DAB1: variants seen among roughly 807,000 people sequenced by gnomAD.
DAB1 encodes the protein DAB adaptor protein 1, also known as disabled homolog 1.
Under a neutral mutation model 64.6 loss-of-function variants are expected in DAB1, and 15 were observed. The ratio of observed to expected loss-of-function variants is 0.23; its 90% CI spans 0.16 to 0.36. DAB1 has a LOEUF of 0.36. Ranked by LOEUF, DAB1 falls within the 10% of genes least tolerant of loss-of-function variation. The probability of loss-of-function intolerance (pLI) is 1.00; values close to 1 mark genes in which losing one functional copy is unlikely to be tolerated. For missense variants in DAB1, 596 were observed against 706.7 expected (o/e 0.84, Z 1.78); for synonymous variants, 235 against 251.9 (o/e 0.93, Z 0.64).
chr1:57,312,429 T>A (rs1339084938), intron 1 of DAB1, among the ~76,000 whole-genome samples: 1 of 151,914 alleles, frequency 6.6e-6, no homozygotes, highest in Non-Finnish European at 1.5e-5. Context: ...ATAACCTAAG[T>A]CTTTCATTTT....
At chr1:57,166,540 T>C (rs564888844) in intron 2 of DAB1, among the ~76,000 whole-genome samples, 157 of 152,252 alleles carry the variant, frequency 1.0e-3, no homozygotes, top group African/African-American at 3.7e-3. Context: ...AACTAGCATA[T>C]ATATTATACT....
At chr1:57,571,288 A>G (rs1645191169) in intron 7 of DAB1, among the ~76,000 whole-genome samples, 1 of 152,166 alleles carries the variant, frequency 6.6e-6, no homozygotes, top group South Asian at 2.1e-4. Context: ...GACATTTTAT[A>G]GTAATTGAAG....
chr1:57,263,571 G>A (rs1346623603), intron 2 of DAB1, among the ~76,000 whole-genome samples: 3 of 152,204 alleles, frequency 2.0e-5, no homozygotes, highest in Admixed American at 6.5e-5. Context: ...ATTAGGAGAA[G>A]TAGTAGCAGT....
At chr1:58,115,349 A>G (rs1652258942) in intron 5 of DAB1, among the ~76,000 whole-genome samples, 1 of 47,318 alleles carries the variant, frequency 2.1e-5, no homozygotes, top group African/African-American at 1.3e-4. Flanking sequence ...CAGGTGCTGG[A>G]GAGGATGTGG....
chr1:57,256,283 T>G (rs997095648), intron 2 of DAB1, among the ~76,000 whole-genome samples: 1 of 152,174 alleles, frequency 6.6e-6, no homozygotes, highest in African/African-American at 2.4e-5. Context: ...GTTGTTAAAT[T>G]GTGGATGTTA....
rs546890565 is a variant in DAB1 at position 58,325,084 on chromosome 1, T to G, written n.309+18268A>C. On this transcript the variant is annotated intron_variant and non_coding_transcript_variant, in intron 4 of 20. Coordinates refer to the DAB1 transcript ENST00000485760. ...GCATATGAGAGACAGTCAGATATTG[T>G]CCTCTCCCTGCTTGTAGCTCTCAGG... is the stretch of plus-strand genomic sequence containing the variant. 7.2e-5 allele frequency among the ~76,000 whole-genome samples: 11 copies of G among 152,292 alleles called. No individual in the cohort carries two copies. The South Asian group carries it at 2.3e-3, about 32-fold the overall frequency.
intron 5 of DAB1, among the ~76,000 whole-genome samples, chr1:57,899,592 A>G (rs1178730500): frequency 6.6e-6 from 1 of 152,082 alleles, no homozygotes; most frequent in Non-Finnish European, 1.5e-5. Context: ...GACCGCAAAC[A>G]TGCACGGACC....
chr1:57,047,637 C>T (rs1419748858), intron 9 of DAB1, among the ~76,000 whole-genome samples: 1 of 152,196 alleles, frequency 6.6e-6, no homozygotes, highest in East Asian at 1.9e-4. Flanking sequence ...ACTTCACAGG[C>T]TCCATAACTC....
At chr1:58,166,740 T>C (rs1655854431) in intron 4 of DAB1, among the ~76,000 whole-genome samples, 1 of 148,406 alleles carries the variant, frequency 6.7e-6, no homozygotes, top group Non-Finnish European at 1.5e-5. Context: ...GTTGTTGTTT[T>C]TGTTTGTTCG....
intron 7 of DAB1, among the ~76,000 whole-genome samples, chr1:57,581,016 G>A (rs372359350): frequency 1.3e-5 from 2 of 152,228 alleles, no homozygotes; most frequent in Non-Finnish European, 2.9e-5. Context: ...CTAAGCCAAA[G>A]CAAGAGGCCT....
intron 1 of DAB1, among the ~76,000 whole-genome samples, chr1:57,857,435 G>A (rs573209481): frequency 6.6e-6 from 1 of 152,302 alleles, no homozygotes; most frequent in East Asian, 1.9e-4. Context: ...TGGTGATGAT[G>A]GGGATGGGGA....
At chr1:57,226,599 T>G (rs72921348) in intron 2 of DAB1, among the ~76,000 whole-genome samples, 1 of 150,584 alleles carries the variant, frequency 6.6e-6, no homozygotes, top group Non-Finnish European at 1.5e-5. Context: ...ATAAGTGATC[T>G]TCAACCTAAA....
intron 6 of DAB1, among the ~76,000 whole-genome samples, chr1:57,702,491 T>A (rs761455263): frequency 2.0e-5 from 3 of 152,186 alleles, no homozygotes; most frequent in African/African-American, 4.8e-5. Context: ...CAAATTCTCA[T>A]AATTTCCTCT....
intron 6 of DAB1, among the ~76,000 whole-genome samples, chr1:57,809,341 G>A (rs1290353782): frequency 1.3e-5 from 2 of 152,174 alleles, no homozygotes; most frequent in Non-Finnish European, 2.9e-5. Context: ...CAGGCACTAT[G>A]TTAAATGCTT....
chr1:57,219,961 A>G (rs1195634150), intron 2 of DAB1, among the ~76,000 whole-genome samples: 5 of 152,218 alleles, frequency 3.3e-5, no homozygotes, highest in African/African-American at 1.2e-4. Flanking sequence ...TAAAGCCACT[A>G]AGTCTGTGGT....
intron 5 of DAB1, among the ~76,000 whole-genome samples, chr1:58,004,185 C>T (rs1316085364): frequency 6.6e-6 from 1 of 152,214 alleles, no homozygotes; most frequent in Admixed American, 6.5e-5. Flanking sequence ...TACACTCTTA[C>T]ATTTATTCTT....
chr1:57,528,444 G>A (rs926076565), intron 7 of DAB1, among the ~76,000 whole-genome samples: 1 of 151,890 alleles, frequency 6.6e-6, no homozygotes, highest in Non-Finnish European at 1.5e-5. Context: ...AGAGATAATG[G>A]GACAGAAAAT....
intron 5 of DAB1, among the ~76,000 whole-genome samples, chr1:58,039,905 T>C (rs760362024): frequency 1.7e-4 from 26 of 152,146 alleles, no homozygotes; most frequent in Non-Finnish European, 3.2e-4. Context: ...TAATAACTAT[T>C]AGTTATCAAT....
At chr1:57,345,664 G>A (rs756908212) in intron 1 of DAB1, among the ~76,000 whole-genome samples, 6 of 152,094 alleles carry the variant, frequency 3.9e-5, no homozygotes, top group African/African-American at 7.2e-5. Context: ...TTTTAATAAC[G>A]GCAGTTCAAT....
Sources: gnomAD v4.1 joint callset for allele counts (sites outside exome capture counted in the v4.1 genomes callset) on GRCh38, gnomAD v4.1.1 for gene constraint, MANE v1.5 for transcripts, NCBI Gene and HGNC (gene_info 2026-07-23, HGNC 2026-07-21) for gene names.